FHIP1A: variants seen among roughly 807,000 people sequenced by gnomAD.
FHIP1A encodes the protein FHF complex subunit HOOK interacting protein 1A.
In FHIP1A, 61 loss-of-function variants were observed where a neutral mutation model predicts 88.6. That is an observed-to-expected ratio of 0.69 (90% CI 0.56 to 0.85). The LOEUF is 0.85. FHIP1A is among the 40% of genes least tolerant of loss of function. The pLI is 0.00. For synonymous variants in FHIP1A, 478 were observed against 496.0 expected (o/e 0.96, Z 0.48); for missense variants, 1,154 against 1,273.5 (o/e 0.91, Z 1.43).
intron 7 of FHIP1A, among the ~76,000 whole-genome samples, chr4:151,618,848 G>A (rs780596905): frequency 6.6e-6 from 1 of 152,168 alleles, no homozygotes; most frequent in Non-Finnish European, 1.5e-5. Context: ...ACTACTCCAT[G>A]ATGTTTTTCT....
At chr4:151,621,415 T>C (rs951044093) in intron 7 of FHIP1A, among the ~76,000 whole-genome samples, 79 of 151,828 alleles carry the variant, frequency 5.2e-4, no homozygotes, top group African/African-American at 1.8e-3. Context: ...AAGCTAGGAG[T>C]GAAATCTGTC....
intron 11 of FHIP1A, among the ~76,000 whole-genome samples, chr4:151,654,576 CG>C (rs1235444739): frequency 6.6e-6 from 1 of 152,138 alleles, no homozygotes; most frequent in Non-Finnish European, 1.5e-5. Flanking sequence ...CCAGGGACTG[CG>C]GGGGAGCAGG....
chr4:151,620,893 C>G (rs1414102062), intron 7 of FHIP1A, among the ~76,000 whole-genome samples: 1 of 150,388 alleles, frequency 6.6e-6, no homozygotes, highest in Admixed American at 6.6e-5. Context: ...AAAAAAAACC[C>G]CACACAAAAC....
At chr4:151,470,972 G>A (rs183922631) in intron 2 of FHIP1A, among the ~76,000 whole-genome samples, 40 of 152,218 alleles carry the variant, frequency 2.6e-4, no homozygotes, top group Admixed American at 1.3e-3. Flanking sequence ...TGGCTGGCGT[G>A]GACTTGACCT....
At chr4:151,645,697 C>A (rs992808741) in intron 9 of FHIP1A, among the ~76,000 whole-genome samples, 11 of 151,484 alleles carry the variant, frequency 7.3e-5, no homozygotes, top group African/African-American at 2.7e-4. Context: ...GTTCTTTATC[C>A]CATTTGCTCC....
chr4:151,573,470 T>C (rs528297189), intron 4 of FHIP1A, among the ~76,000 whole-genome samples: 1 of 152,344 alleles, frequency 6.6e-6, no homozygotes, highest in Admixed American at 6.5e-5. Flanking sequence ...ATTTTCAGCC[T>C]AACAAAGTAA....
At position 151,668,771 on chromosome 4, in the gene FHIP1A, C is replaced by T. The variant is rs756854056; in HGVS notation, c.*6017C>T. ...AGCATGCAGAGTGCTAGGGCTGGCA[C>T]ATTCCTGCCTTCCCACCAGAACCCT... On this transcript the variant is annotated 3_prime_UTR_variant, in exon 14 of 14. Coordinates refer to ENST00000435205, the MANE Select transcript of FHIP1A (RefSeq NM_001109977.3). Among the ~76,000 whole-genome samples, 9 of 151,604 alleles carry T rather than the reference C, an allele frequency of 5.9e-5. No individual in the cohort carries two copies. Among genetic ancestry groups the T allele is most frequent in the Non-Finnish European group, 1.2e-4 (8 of 67,910 alleles).
intron 1 of FHIP1A, among the ~76,000 whole-genome samples, chr4:151,418,776 AGAGTAACTCT>A (rs560864191): frequency 3.4e-4 from 52 of 152,374 alleles, no homozygotes; most frequent in African/African-American, 1.2e-3. Flanking sequence ...TAAGGAGTTG[AGAGTAACTCT>A]GCATCTTAAT....
intron 4 of FHIP1A, among the ~76,000 whole-genome samples, chr4:151,567,992 A>G (rs1224585947): frequency 1.3e-5 from 2 of 152,168 alleles, no homozygotes; most frequent in African/African-American, 4.8e-5. Flanking sequence ...TGATCCATTT[A>G]GTATTCTGTG....
At chr4:151,638,350 T>TGTGTGTGA (rs1553961911) in intron 8 of FHIP1A, among the ~76,000 whole-genome samples, 4 of 150,086 alleles carry the variant, frequency 2.7e-5, no homozygotes, top group Non-Finnish European at 5.9e-5. Context: ...TGTGTGTATG[T>TGTGTGTGA]GAGAGAGAGA....
chr4:151,526,468 G>A (rs551556114), intron 3 of FHIP1A, among the ~76,000 whole-genome samples: 2,022 of 150,054 alleles, frequency 0.013, 49 homozygotes, highest in African/African-American at 0.047. Context: ...CGGATGAGGC[G>A]GCTGGCCGGG....
intron 3 of FHIP1A, among the ~76,000 whole-genome samples, chr4:151,540,095 C>G (rs558143469): frequency 6.6e-6 from 1 of 152,276 alleles, no homozygotes; most frequent in South Asian, 2.1e-4. Context: ...TAGCCTTGGC[C>G]TATGTGAAAA....
chr4:151,516,119 G>C (rs1731226687), intron 3 of FHIP1A, among the ~76,000 whole-genome samples: 2 of 152,120 alleles, frequency 1.3e-5, no homozygotes, highest in Non-Finnish European at 2.9e-5. Flanking sequence ...ATCAATGGAA[G>C]AGAACAGAGC....
At chr4:151,419,724 A>G (rs1287765464) in intron 1 of FHIP1A, among the ~76,000 whole-genome samples, 2 of 17,764 alleles carry the variant, frequency 1.1e-4, no homozygotes, top group Non-Finnish European at 2.4e-4. Context: ...ATATCTCCCA[A>G]TGCTATCCCT....
At chr4:151,660,679 G>C (rs1434152192) in intron 13 of FHIP1A, among the ~76,000 whole-genome samples, 1 of 152,190 alleles carries the variant, frequency 6.6e-6, no homozygotes, top group Admixed American at 6.5e-5. Context: ...GCAGGCCTTA[G>C]TTGGTCAATA....
At chr4:151,651,247 A>G (rs948286912) in intron 11 of FHIP1A, among the ~76,000 whole-genome samples, 1 of 152,230 alleles carries the variant, frequency 6.6e-6, no homozygotes, top group African/African-American at 2.4e-5. Flanking sequence ...ACAGGTAGAA[A>G]TCTTGCAAGA....
At chr4:151,582,645 T>C (rs1734067978) in intron 5 of FHIP1A, among the ~76,000 whole-genome samples, 1 of 152,178 alleles carries the variant, frequency 6.6e-6, no homozygotes, top group Admixed American at 6.5e-5. Context: ...ACATGGTGAT[T>C]AGTTTCTTTT....
chr4:151,547,944 G>A (rs905104786), intron 3 of FHIP1A, among the ~76,000 whole-genome samples: 4 of 151,918 alleles, frequency 2.6e-5, no homozygotes, highest in Non-Finnish European at 4.4e-5. Context: ...AAAAGATTGT[G>A]GTGAGCACTT....
chr4:151,616,573 C>T (rs1011887810), intron 7 of FHIP1A, among the ~76,000 whole-genome samples: 4 of 151,230 alleles, frequency 2.6e-5, no homozygotes, highest in African/African-American at 7.3e-5. Context: ...CTCAACCTTC[C>T]GAGTACCTGG....
Sources: gnomAD v4.1 joint callset for allele counts (sites outside exome capture counted in the v4.1 genomes callset) on GRCh38, gnomAD v4.1.1 for gene constraint, MANE v1.5 for transcripts, NCBI Gene and HGNC (gene_info 2026-07-23, HGNC 2026-07-21) for gene names.